Variants in FHAD1 observed in about 807,000 individuals in gnomAD.
FHAD1 encodes forkhead-associated domain-containing protein 1.
Under a neutral mutation model 191.3 loss-of-function variants are expected in FHAD1, and 146 were observed. The observed-to-expected ratio is 0.76, with a 90% CI of 0.67 to 0.88. The LOEUF (loss-of-function observed/expected upper bound fraction) is 0.88, where lower values mean the gene tolerates loss of function less well. Ranked by LOEUF, FHAD1 falls within the 40% of genes least tolerant of loss-of-function variation. The pLI is 0.00. For synonymous variants in FHAD1, 616 were observed against 672.3 expected (o/e 0.92, Z 1.29); for missense variants, 1,635 against 1,785.8 (o/e 0.92, Z 1.52).
intron 24 of FHAD1, 99 bp from the exon 25 acceptor site, chr1:15,367,364 C>T (rs953296987): frequency 3.8e-5 from 51 of 1,328,116 alleles, no homozygotes; most frequent in Non-Finnish European, 4.5e-5. Context: ...GTCGTGGTGG[C>T]GCATGCCCGT....
intron 33 of FHAD1, among the ~76,000 whole-genome samples, chr1:15,393,430 GCA>G (rs57536175): frequency 0.044 from 6,489 of 146,410 alleles, 435 homozygotes; most frequent in African/African-American, 0.15. Flanking sequence ...ACACACACAC[GCA>G]CACACACACA....
At chr1:15,265,670 T>C (rs1653087295) in intron 2 of FHAD1, among the ~76,000 whole-genome samples, 1 of 152,060 alleles carries the variant, frequency 6.6e-6, no homozygotes, top group African/African-American at 2.4e-5. Context: ...ATCTCTTTGA[T>C]GAGTTATTAA....
In FHAD1 at chr1:15,311,848, G is replaced by A. The variant is rs71631717; in HGVS notation, c.1040-1209G>A. Reference sequence around the variant, plus strand: ...TATGTTTATCTTACCCGGTTTCTGTGGTTCAGGAACTTGGGAGTGACTTAG... The same window carrying A: ...TATGTTTATCTTACCCGGTTTCTGTAGTTCAGGAACTTGGGAGTGACTTAG... On this transcript the variant is annotated intron_variant, in intron 7 of 33. Coordinates refer to ENST00000688493, the MANE Select transcript of FHAD1 (RefSeq NM_001391957.1). This position sits in a 1 kb window ranked among gnomAD's most constrained non-coding sequence, Gnocchi z 4.1. 9.5e-3 allele frequency among the ~76,000 whole-genome samples: 1,442 copies of A among 152,284 alleles called. 9 individuals carry two copies. The highest frequency in any genetic ancestry group is 0.015 in the African/African-American group (615 of 41,552).
At position 15,296,709 on chromosome 1, in the gene FHAD1, A is replaced by G. The variant is rs2100787158; in HGVS notation, c.594A>G (p.Ser198=). The G allele has an allele frequency of 6.4e-7, 1 of 1,552,242 alleles. No homozygotes were observed. The highest frequency in any genetic ancestry group is 8.7e-7 in the Non-Finnish European group (1 of 1,147,118). Reference sequence around the variant, plus strand: ...TGTGGACCAATGCCATGAAACTGTCAGAAAAATCAGTGGCCGAGGGGATTC... The same window carrying G: ...TGTGGACCAATGCCATGAAACTGTCGGAAAAATCAGTGGCCGAGGGGATTC... ...KQVWTNAMKL[S]EKSVAEGIPG... Residue 198 remains serine (S), a synonymous_variant, in exon 5 of 34, where the codon TCA becomes TCG. Coordinates refer to ENST00000688493, the MANE Select transcript of FHAD1 (RefSeq NM_001391957.1).
At position 15,381,985 on chromosome 1, in the gene FHAD1, AAAGAT is replaced by A; in HGVS notation, c.4023-39_4023-35del. 1 of 1,542,652 alleles carries A rather than the reference AAAGAT, an allele frequency of 6.5e-7. No homozygotes were observed. The highest frequency in any genetic ancestry group is 8.8e-7 in the Non-Finnish European group (1 of 1,140,534). ...GTCTGGCACATTGATGATGATTGGG[AAAGAT>A]AAGGGAAAAACAGACGCCATCTCTC... On this transcript the variant is annotated intron_variant, in intron 30 of 33. Transcript: ENST00000688493. The surrounding 1 kb of genome is among the most constrained non-coding windows in gnomAD (Gnocchi z 4.6).
Position 15,341,833 on chromosome 1 carries a change from T to C in FHAD1, c.2075T>C (p.Leu692Pro), listed in dbSNP as rs1686809568. The C allele has an allele frequency of 1.1e-5, 17 of 1,551,802 alleles. No individual in the cohort carries two copies. Among genetic ancestry groups the C allele is most frequent in the Non-Finnish European group, 1.5e-5 (17 of 1,146,988 alleles). Residue 692 changes from leucine (L) to proline (P), a missense_variant, in exon 16 of 34, where the codon CTA becomes CCA. Coordinates refer to ENST00000688493, the MANE Select transcript of FHAD1 (RefSeq NM_001391957.1). Reference protein sequence around the residue: ...AEKEKLNEERLEQEEKLKAKI... With the variant: ...AEKEKLNEERPEQEEKLKAKI... ...AAGGAGAAGCTGAACGAGGAGAGGCTAGAGCAAGAGGAGAAGCTCAAAGCC... is the reference window on the plus strand; with the variant it reads ...AAGGAGAAGCTGAACGAGGAGAGGCCAGAGCAAGAGGAGAAGCTCAAAGCC...
At chr1:15,284,992 G>A (rs938712305) in intron 3 of FHAD1, among the ~76,000 whole-genome samples, 1 of 152,190 alleles carries the variant, frequency 6.6e-6, no homozygotes, top group Non-Finnish European at 1.5e-5. Flanking sequence ...ATATTTCTAA[G>A]CCAGACTTGT....
At chr1:15,328,483 G>A (rs1390586969) in intron 13 of FHAD1, 54 bp downstream of exon 13, 3 of 1,323,760 alleles carry the variant, frequency 2.3e-6, no homozygotes, top group Non-Finnish European at 2.9e-6. Flanking sequence ...TTTTTGTGCG[G>A]CTTATTTGGG....
rs570984950 is a variant in FHAD1 at position 15,397,667 on chromosome 1, C to T, written c.*254C>T. On this transcript the variant is annotated 3_prime_UTR_variant, in exon 34 of 34. Coordinates refer to ENST00000688493, the MANE Select transcript of FHAD1 (RefSeq NM_001391957.1). ...GAATAGAAGTGTGTAACCCAGATGT[C>T]CAGGCCTGGTAGATATAATTATGTG... 1.7e-4 allele frequency: 45 copies of T among 267,446 alleles called. No homozygotes were observed. Among genetic ancestry groups the T allele is most frequent in the Admixed American group, 5.2e-5 (1 of 19,242 alleles). The allele number at this position is 267,446 out of a possible 1,614,324, so 16.6% of individuals were successfully genotyped here.
At chr1:15,386,354 A>G (rs1702086460) in intron 31 of FHAD1, among the ~76,000 whole-genome samples, 1 of 152,198 alleles carries the variant, frequency 6.6e-6, no homozygotes, top group South Asian at 2.1e-4. Flanking sequence ...GGGTCCTCCT[A>G]GAGCCGGCAG....
chr1:15,335,543 G>T (rs1229225552), intron 14 of FHAD1: 1 of 151,616 alleles, frequency 6.6e-6, no homozygotes, highest in African/African-American at 2.4e-5. Context: ...ACATCAAACT[G>T]TTAGGAGTAT....
At chr1:15,253,294 T>G (rs1647020443) in intron 2 of FHAD1, among the ~76,000 whole-genome samples, 1 of 152,178 alleles carries the variant, frequency 6.6e-6, no homozygotes, top group African/African-American at 2.4e-5. Context: ...TTACCTCTTC[T>G]GCTTCCTTTC....
At chr1:15,352,761 A>G (rs1269651140) in intron 19 of FHAD1, 116 bp from the exon 20 acceptor site, 1 of 726,632 alleles carries the variant, frequency 1.4e-6, no homozygotes, top group East Asian at 2.7e-5. Context: ...GTTCTTTGAG[A>G]TCTTTCTCTC....
chr1:15,354,793 G>A (rs1692166743), intron 20 of FHAD1, among the ~76,000 whole-genome samples: 1 of 152,200 alleles, frequency 6.6e-6, no homozygotes, highest in Non-Finnish European at 1.5e-5. Context: ...TAGACCAACT[G>A]CTCGTGGAAA....
intron 2 of FHAD1, among the ~76,000 whole-genome samples, chr1:15,258,809 A>G (rs1305380208): frequency 6.6e-6 from 1 of 152,044 alleles, no homozygotes; most frequent in Non-Finnish European, 1.5e-5. Flanking sequence ...GCTGGTCTCA[A>G]ACTCCTGACC....
upstream of FHAD1, among the ~76,000 whole-genome samples, chr1:15,244,085 G>T (rs764552690): frequency 6.6e-6 from 1 of 151,512 alleles, no homozygotes; most frequent in Non-Finnish European, 1.5e-5. The surrounding 1 kb of genome is among the most constrained non-coding windows in gnomAD (Gnocchi z 5.1). Context: ...TTTTAATGCC[G>T]CATCACTGTT....
rs955534114 is a variant in FHAD1, at chr1:15,390,111, C to T, written c.4270-1099C>T. Among the ~76,000 whole-genome samples, 6 of 152,108 alleles carry T rather than the reference C, an allele frequency of 3.9e-5. No homozygotes were observed. The South Asian group carries it at 1.0e-3, about 26-fold the overall frequency. ...CTGTAATTCCAGCACTTTGGGAGGA[C>T]GAGGCAGGCTGATCACTTGAGGTCA... On this transcript the variant is annotated intron_variant, in intron 32 of 33. Coordinates refer to ENST00000688493, the MANE Select transcript of FHAD1 (RefSeq NM_001391957.1).
chr1:15,303,240 T>A lies in FHAD1; in HGVS notation c.915+1799T>A, dbSNP rs1057072102. Among the ~76,000 whole-genome samples the A allele has an allele frequency of 3.9e-5, 6 of 152,206 alleles. No homozygotes were observed. The South Asian group carries it at 1.2e-3, about 31-fold the overall frequency. ...TGAGGCAGTGACCCTCCTTCAGACC[T>A]GTTTTTGAAAGAGCAATGAAAGGAG... On this transcript the variant is annotated intron_variant, in intron 6 of 33. Coordinates refer to ENST00000688493, the MANE Select transcript of FHAD1 (RefSeq NM_001391957.1).
Position 15,316,435 on chromosome 1 carries a change from G to A in FHAD1, c.1228G>A (p.Ala410Thr), listed in dbSNP as rs962434468. The A allele has an allele frequency of 4.5e-6, 7 of 1,551,584 alleles. No individual in the cohort carries two copies. In the African/African-American group the frequency reaches 8.2e-5, roughly 18 times the overall value. ...AGATGCTCACAGGGAGCTCAGGGAAGCCCAGGAGAAAGAGTTAAAACTCTG... is the reference window on the plus strand; with the variant it reads ...AGATGCTCACAGGGAGCTCAGGGAAACCCAGGAGAAAGAGTTAAAACTCTG... ...QEDAHRELRE[A>T]QEKELKLCKT... Residue 410 changes from alanine (A) to threonine (T), a missense_variant, in exon 9 of 34, where the codon GCC (alanine) becomes ACC (threonine). Ala to Thr is a moderately conservative substitution (Grantham distance 58, BLOSUM62 0). Coordinates refer to ENST00000688493, the MANE Select transcript of FHAD1 (RefSeq NM_001391957.1). This position sits in a 1 kb window ranked among gnomAD's most constrained non-coding sequence, Gnocchi z 4.3.
Sources: gnomAD v4.1 joint callset for allele counts (sites outside exome capture counted in the v4.1 genomes callset) on GRCh38, gnomAD v4.1.1 for gene constraint, Gnocchi (gnomAD v3.1) non-coding constraint, MANE v1.5 for transcripts, NCBI Gene and HGNC (gene_info 2026-07-23, HGNC 2026-07-21) for gene names.